Variants in FMN2 observed in about 807,000 individuals in gnomAD.
FMN2 encodes formin 2.
In FMN2, 51 loss-of-function variants were observed where a neutral mutation model predicts 142.3. The ratio of observed to expected loss-of-function variants is 0.36; its 90% confidence interval spans 0.29 to 0.45. The LOEUF is 0.45. Among genes scored for constraint, FMN2 ranks in the 20% least tolerant of loss-of-function variants. The pLI is 1.00. For synonymous variants in FMN2, 882 were observed against 869.8 expected (o/e 1.01, Z -0.25); for missense variants, 1,936 against 2,122.8 (o/e 0.91, Z 1.73).
At chr1:240,109,616 A>G (rs1661733733) in intron 1 of FMN2, among the ~76,000 whole-genome samples, 1 of 152,102 alleles carries the variant, frequency 6.6e-6, no homozygotes, top group Non-Finnish European at 1.5e-5. Flanking sequence ...TGTCTTTAAT[A>G]TTGTTTTGAA....
At chr1:240,298,329 C>T (rs2102968080) in intron 8 of FMN2, among the ~76,000 whole-genome samples, 1 of 152,242 alleles carries the variant, frequency 6.6e-6, no homozygotes, top group East Asian at 1.9e-4. Context: ...GCCAATAATA[C>T]ATATATGCAA....
intron 11 of FMN2, among the ~76,000 whole-genome samples, chr1:240,332,782 T>C (rs188283276): frequency 5.9e-5 from 9 of 152,298 alleles, no homozygotes; most frequent in Admixed American, 5.9e-4. Flanking sequence ...CTTAGTACTA[T>C]TTATAGACCT....
intron 13 of FMN2, among the ~76,000 whole-genome samples, chr1:240,335,123 G>A (rs561204128): frequency 3.9e-5 from 6 of 152,292 alleles, no homozygotes; most frequent in South Asian, 2.1e-4. Context: ...ATTTCAGTGA[G>A]CATAGGGACA....
chr1:240,468,291 T>C (rs982234574), intron 16 of FMN2, among the ~76,000 whole-genome samples: 3 of 151,872 alleles, frequency 2.0e-5, no homozygotes, highest in South Asian at 4.2e-4. Context: ...CACACACACA[T>C]ATACATATGC....
intron 7 of FMN2, among the ~76,000 whole-genome samples, chr1:240,267,774 C>T (rs1418422788): frequency 6.6e-6 from 1 of 151,944 alleles, no homozygotes; most frequent in African/African-American, 2.4e-5. Flanking sequence ...ACCCCAAACA[C>T]TTATAATATT....
chr1:240,356,023 A>C, intron 14 of FMN2, 115 bp downstream of exon 14: 2 of 682,840 alleles, frequency 2.9e-6, no homozygotes, highest in South Asian at 2.2e-5. Context: ...ATATTGCTTT[A>C]AAAGGGCTTA....
chr1:240,324,083 C>T (rs1159989043), intron 8 of FMN2, among the ~76,000 whole-genome samples: 1 of 152,142 alleles, frequency 6.6e-6, no homozygotes, highest in Non-Finnish European at 1.5e-5. Flanking sequence ...TTTGCTAGCC[C>T]TTGTTTTCCC....
intron 14 of FMN2, among the ~76,000 whole-genome samples, chr1:240,377,937 T>G (rs981795427): frequency 1.3e-5 from 2 of 152,088 alleles, no homozygotes; most frequent in African/African-American, 4.8e-5. Flanking sequence ...TGGACATTTT[T>G]AGAGGGCCAT....
intron 15 of FMN2, among the ~76,000 whole-genome samples, chr1:240,408,347 C>A (rs1674282650): frequency 6.6e-6 from 1 of 151,922 alleles, no homozygotes; most frequent in South Asian, 2.1e-4. Flanking sequence ...GTCTAAGACT[C>A]TACCAGAAAG....
chr1:240,387,516 C>T (rs1182929317), intron 14 of FMN2, among the ~76,000 whole-genome samples: 1 of 152,178 alleles, frequency 6.6e-6, no homozygotes, highest in Non-Finnish European at 1.5e-5. Context: ...TGTGTTTATC[C>T]TGTAGGCATT....
intron 6 of FMN2, chr1:240,245,356 C>G (rs1668041655): frequency 2.6e-6 from 1 of 389,092 alleles, no homozygotes; most frequent in Non-Finnish European, 5.1e-6. Flanking sequence ...CCCGTACTCT[C>G]TGGGAGGAAG....
At chr1:240,287,244 G>A (rs1669622121) in intron 7 of FMN2, among the ~76,000 whole-genome samples, 1 of 152,160 alleles carries the variant, frequency 6.6e-6, no homozygotes, top group African/African-American at 2.4e-5. Context: ...AGAGTAAGAT[G>A]ACAAACCTGA....
At position 240,122,157 on chromosome 1, in the gene FMN2, G is replaced by A. The variant is rs184633259; in HGVS notation, c.1616-1022G>A. Among the ~76,000 whole-genome samples, 533 of 151,944 alleles carry A rather than the reference G, an allele frequency of 3.5e-3. 15 individuals carry two copies. In the East Asian group the frequency reaches 0.067, roughly 19 times the overall value. On this transcript the variant is annotated intron_variant, in intron 1 of 17. Transcript: ENST00000319653. ...GGCCGGAGTGCAATGGCGTGATCGC[G>A]GCTCACTGCAACCTCTGCCTCCTGG...
At chr1:240,114,946 G>A (rs1051212712) in intron 1 of FMN2, among the ~76,000 whole-genome samples, 6 of 152,064 alleles carry the variant, frequency 3.9e-5, no homozygotes, top group African/African-American at 1.4e-4. Context: ...GTGAGCCACC[G>A]CGCCCGGCCA....
chr1:240,189,091 A>G (rs1258258982), intron 4 of FMN2, among the ~76,000 whole-genome samples: 1 of 152,068 alleles, frequency 6.6e-6, no homozygotes, highest in Non-Finnish European at 1.5e-5. Context: ...GAGCCAAACC[A>G]TATCAGTTAC....
At chr1:240,108,595 A>G (rs1239703444) in intron 1 of FMN2, among the ~76,000 whole-genome samples, 1 of 152,216 alleles carries the variant, frequency 6.6e-6, no homozygotes, top group East Asian at 1.9e-4. Flanking sequence ...TGTCTGAGCT[A>G]TAAGGTCAGA....
chr1:240,296,154 T>A (rs1343986665), intron 8 of FMN2, among the ~76,000 whole-genome samples: 1 of 152,066 alleles, frequency 6.6e-6, no homozygotes. Context: ...ACAGTTTATT[T>A]CACTAGGTGG....
At chr1:240,300,833 C>G (rs906038204) in intron 8 of FMN2, among the ~76,000 whole-genome samples, 1 of 149,400 alleles carries the variant, frequency 6.7e-6, no homozygotes. Context: ...TACTCTTTGT[C>G]TTGACGTTTT....
At chr1:240,274,662 A>G (rs1054467637) in intron 7 of FMN2, among the ~76,000 whole-genome samples, 3 of 152,004 alleles carry the variant, frequency 2.0e-5, no homozygotes, top group Non-Finnish European at 4.4e-5. Context: ...GAGGTAGGCA[A>G]GAAGAGCAGT....
Sources: allele counts gnomAD v4.1 joint callset (sites outside exome capture counted in the v4.1 genomes callset), GRCh38; gene constraint gnomAD v4.1.1; transcripts MANE v1.5; gene names NCBI Gene and HGNC (gene_info 2026-07-23, HGNC 2026-07-21).